Variants in AP1S3 observed in about 807,000 individuals in gnomAD.
AP1S3 encodes the protein adaptor related protein complex 1 subunit sigma 3, also known as AP-1 complex subunit sigma-3.
AP1S3 carries 10 observed loss-of-function variants against 20.9 expected under a neutral mutation model. That is an observed-to-expected ratio of 0.48 (90% CI 0.29 to 0.81). AP1S3 has a LOEUF of 0.81. Among genes scored for constraint, AP1S3 ranks in the 30% least tolerant of loss-of-function variants. The probability of loss-of-function intolerance (pLI) is 0.08; values close to 1 mark genes in which losing one functional copy is unlikely to be tolerated. For synonymous variants in AP1S3, 41 were observed against 61.5 expected, an observed-to-expected ratio of 0.67 and a Z score of 1.56; for missense variants, 154 against 183.8, an observed-to-expected ratio of 0.84 and a Z score of 0.94.
chr2:223,765,900 G>A (rs1268496500), intron 3 of AP1S3, among the ~76,000 whole-genome samples: 1 of 152,206 alleles, frequency 6.6e-6, no homozygotes, highest in Non-Finnish European at 1.5e-5. Flanking sequence ...AGGTCTAGAT[G>A]AGAACTGAGA....
chr2:223,788,482 G>C (rs572411046), intron 1 of AP1S3, among the ~76,000 whole-genome samples: 2 of 151,528 alleles, frequency 1.3e-5, no homozygotes, highest in South Asian at 2.1e-4. Flanking sequence ...GGCTGGGCGC[G>C]GTGGCTCACG....
Position 223,764,910 on chromosome 2 carries a change from G to A in AP1S3, c.429+303C>T, listed in dbSNP as rs183080764. On this transcript the variant is annotated intron_variant, in intron 4 of 4. Transcript: ENST00000396654. Reference sequence around the variant, plus strand: ...CAAAGACTCTAAAGCCCAATTGCCTGGGTTCAAATCTCTATGCCACACTTC... The same window carrying A: ...CAAAGACTCTAAAGCCCAATTGCCTAGGTTCAAATCTCTATGCCACACTTC... Among the ~76,000 whole-genome samples the A allele has an allele frequency of 5.3e-5, 8 of 152,198 alleles. No homozygotes were observed. In the East Asian group the frequency reaches 1.5e-3, roughly 29 times the overall value.
At chr2:223,771,372 T>C (rs1275676681) in intron 3 of AP1S3, among the ~76,000 whole-genome samples, 1 of 151,968 alleles carries the variant, frequency 6.6e-6, no homozygotes, top group African/African-American at 2.4e-5. Flanking sequence ...AATAAAATAA[T>C]AAATTCCACC....
chr2:223,812,960 G>C (rs535816045), intron 1 of AP1S3, among the ~76,000 whole-genome samples: 1 of 151,566 alleles, frequency 6.6e-6, no homozygotes, highest in Non-Finnish European at 1.5e-5. Context: ...ATAGAGTCCT[G>C]TTCTGTCGCC....
At chr2:223,827,023 G>A (rs1294557408) in intron 1 of AP1S3, among the ~76,000 whole-genome samples, 1 of 152,066 alleles carries the variant, frequency 6.6e-6, no homozygotes, top group Non-Finnish European at 1.5e-5. Flanking sequence ...GTAAGAGGCG[G>A]GCAATGGTAT....
At chr2:223,782,147 G>A (rs1690965065) in intron 1 of AP1S3, among the ~76,000 whole-genome samples, 1 of 151,784 alleles carries the variant, frequency 6.6e-6, no homozygotes, top group African/African-American at 2.4e-5. Flanking sequence ...GGAGTAGCTG[G>A]GATTACAGGC....
intron 1 of AP1S3, among the ~76,000 whole-genome samples, chr2:223,817,870 T>C (rs931659637): frequency 1.3e-5 from 2 of 151,910 alleles, no homozygotes; most frequent in African/African-American, 4.9e-5. Context: ...AAAAGACAAA[T>C]ATGATGACCA....
At chr2:223,818,744 G>A (rs1303803652) in intron 1 of AP1S3, among the ~76,000 whole-genome samples, 1 of 152,024 alleles carries the variant, frequency 6.6e-6, no homozygotes, top group Admixed American at 6.6e-5. Context: ...AGTAGAGACG[G>A]GGTCTCACCA....
chr2:223,780,341 AGAGAGAGAGAGAGAGAGTGT>A (rs1559280816), intron 1 of AP1S3, among the ~76,000 whole-genome samples: 22 of 121,782 alleles, frequency 1.8e-4, no homozygotes, highest in African/African-American at 6.3e-4. Context: ...AGAGAGAGAG[AGAGAGAGAGAGAGAGAGTGT>A]GTGTGTGTGT....
At chr2:223,815,045 A>T (rs1265861532) in intron 1 of AP1S3, among the ~76,000 whole-genome samples, 11 of 152,190 alleles carry the variant, frequency 7.2e-5, no homozygotes, top group African/African-American at 2.7e-4. Flanking sequence ...AAGTGCTGGG[A>T]TTATAGGCAT....
intron 1 of AP1S3, among the ~76,000 whole-genome samples, chr2:223,831,110 G>T (rs555158187): frequency 1.3e-5 from 2 of 152,174 alleles, no homozygotes; most frequent in South Asian, 4.1e-4. Flanking sequence ...CTCCCAAAGT[G>T]CTGGCATGAG....
chr2:223,764,919 T>C (rs1259302824), intron 4 of AP1S3, among the ~76,000 whole-genome samples: 1 of 152,118 alleles, frequency 6.6e-6, no homozygotes, highest in Non-Finnish European at 1.5e-5. Context: ...TGGGTTCAAA[T>C]CTCTATGCCA....
At chr2:223,809,385 C>T (rs564980913) in intron 1 of AP1S3, among the ~76,000 whole-genome samples, 5 of 152,274 alleles carry the variant, frequency 3.3e-5, no homozygotes, top group African/African-American at 7.2e-5. Flanking sequence ...TGGCTCACAC[C>T]TATAATCCCA....
chr2:223,798,016 A>C (rs1210462373), intron 1 of AP1S3, among the ~76,000 whole-genome samples: 1 of 152,210 alleles, frequency 6.6e-6, no homozygotes, highest in Admixed American at 6.5e-5. Flanking sequence ...CCTCGCTTCT[A>C]TATCTCAGCC....
At chr2:223,783,287 C>A (rs1690991708) in intron 1 of AP1S3, among the ~76,000 whole-genome samples, 1 of 152,136 alleles carries the variant, frequency 6.6e-6, no homozygotes, top group South Asian at 2.1e-4. Flanking sequence ...CAGGTGGGCA[C>A]CTGGTTCCAC....
Position 223,756,726 on chromosome 2 carries a change from C to T in AP1S3, c.*1989G>A, listed in dbSNP as rs1199605799. ...GAATTGGTGAATTTTTCCCTTTGTT[C>T]TCCTGCTTGCTTTGCTGTTTTCCCT... On this transcript the variant is annotated 3_prime_UTR_variant, in exon 5 of 5. Transcript: ENST00000396654. The T allele has an allele frequency of 1.2e-5, 12 of 985,256 alleles. No homozygotes were observed. The highest frequency in any genetic ancestry group is 3.5e-5 in the African/African-American group (2 of 57,228). 61.0% of individuals were successfully genotyped at this position (985,256 alleles called of 1,614,324 possible). A position where few individuals can be genotyped will look rare whatever the true frequency, so the allele number is the denominator to read the frequency against.
At chr2:223,764,568 T>C (rs1690432985) in intron 4 of AP1S3, among the ~76,000 whole-genome samples, 1 of 152,046 alleles carries the variant, frequency 6.6e-6, no homozygotes, top group South Asian at 2.1e-4. Flanking sequence ...TCTGGGCCCA[T>C]TTATACCTTG....
intron 1 of AP1S3, among the ~76,000 whole-genome samples, chr2:223,797,584 C>T (rs1691370250): frequency 1.3e-5 from 2 of 151,908 alleles, no homozygotes; most frequent in Admixed American, 6.6e-5. Context: ...CAACATGGCA[C>T]AACCCCGTTT....
rs1230188705 is a variant in AP1S3, at chr2:223,795,598, AGGAGG to A, written c.4-17734_4-17730del. Reference sequence around the variant, plus strand: ...ATCACTAGGCCAGGCAGAAGGGGCCAGGAGGCGCCAGGAGGCAGTGGAATAGCTTG... The same window carrying A: ...ATCACTAGGCCAGGCAGAAGGGGCCACGCCAGGAGGCAGTGGAATAGCTTG... On this transcript the variant is annotated intron_variant, in intron 1 of 4. Coordinates refer to ENST00000396654, the MANE Select transcript of AP1S3 (RefSeq NM_001039569.2). Among the ~76,000 whole-genome samples, 24 of 22,918 alleles carry A rather than the reference AGGAGG, an allele frequency of 1.0e-3. No homozygotes were observed. In the East Asian group the frequency reaches 0.17, roughly 159 times the overall value. The allele number at this position is 22,918 out of a possible 152,430, so 15.0% of individuals were successfully genotyped here.
Sources: gnomAD v4.1 joint callset for allele counts (sites outside exome capture counted in the v4.1 genomes callset) on GRCh38, gnomAD v4.1.1 for gene constraint, MANE v1.5 for transcripts, NCBI Gene and HGNC (gene_info 2026-07-23, HGNC 2026-07-21) for gene names.